Variants in TRAPPC9 observed in about 807,000 individuals in gnomAD.
The protein encoded by TRAPPC9 is trafficking protein particle complex subunit 9, also known as IKK2 binding protein.
In TRAPPC9, 83 loss-of-function variants were observed where a neutral mutation model predicts 124.0. The observed-to-expected ratio is 0.67, with a 90% CI of 0.56 to 0.80. TRAPPC9 has a LOEUF of 0.80. Ranked by LOEUF, TRAPPC9 falls within the 30% of genes least tolerant of loss-of-function variation. TRAPPC9 has a pLI of 0.00. For synonymous variants in TRAPPC9, 638 were observed against 617.5 expected, an observed-to-expected ratio of 1.03 and a Z score of -0.49; for missense variants, 1,302 against 1,508.3, an observed-to-expected ratio of 0.86 and a Z score of 2.27.
rs1231107178 is a variant in TRAPPC9, at chr8:140,412,033, T to C, written c.887-6335A>G. The stretch of plus-strand genomic sequence containing the variant: ...AAAGTGTGATGACAAACAAGATGTA[T>C]ACAGTCTCAAACTATTTCCCACAAA... On this transcript the variant is annotated intron_variant, in intron 5 of 22. Coordinates refer to ENST00000438773, the MANE Select transcript of TRAPPC9 (RefSeq NM_001160372.4). Among the ~76,000 whole-genome samples, 3 of 152,226 alleles carry C rather than the reference T, an allele frequency of 2.0e-5. No individual in the cohort carries two copies. In the East Asian group the frequency reaches 5.8e-4, roughly 29 times the overall value.
intron 5 of TRAPPC9, among the ~76,000 whole-genome samples, chr8:140,410,141 CAAAAAAAAAAAA>C (rs61149910): frequency 1.4e-3 from 96 of 70,214 alleles, no homozygotes; most frequent in Non-Finnish European, 1.6e-3. Flanking sequence ...ACCTTGTCTC[CAAAAAAAAAAAA>C]AAAAAAAAAA....
chr8:140,350,661 G>A (rs1041205621), intron 9 of TRAPPC9, among the ~76,000 whole-genome samples: 1 of 152,140 alleles, frequency 6.6e-6, no homozygotes, highest in Non-Finnish European at 1.5e-5. Context: ...CTGGAGGTGA[G>A]CCCTCATGCA....
chr8:140,056,236 C>T (rs138555999), intron 17 of TRAPPC9, among the ~76,000 whole-genome samples: 13 of 150,326 alleles, frequency 8.6e-5, no homozygotes, highest in Admixed American at 6.6e-4. Context: ...CAGAGAGGCC[C>T]CATCTCTACA....
chr8:140,096,707 C>T (rs1216532105), intron 17 of TRAPPC9: 1 of 152,108 alleles, frequency 6.6e-6, no homozygotes, highest in Non-Finnish European at 1.5e-5. Context: ...GCGTTGAGTG[C>T]AGGATGACTG....
chr8:140,245,085 C>G (rs1327272311), intron 16 of TRAPPC9, among the ~76,000 whole-genome samples: 1 of 151,998 alleles, frequency 6.6e-6, no homozygotes, highest in African/African-American at 2.4e-5. Context: ...ATTACAGGCA[C>G]GAGCCACCGC....
Position 140,193,230 on chromosome 8 carries a change from A to G in TRAPPC9, c.2556+28229T>C, listed in dbSNP as rs559019000. On this transcript the variant is annotated intron_variant, in intron 17 of 22. Coordinates refer to ENST00000438773, the MANE Select transcript of TRAPPC9 (RefSeq NM_001160372.4). Reference sequence around the variant, plus strand: ...CTGGCTCATCAATCTAAAATGTGAAAATGTGTTCTGAAGTGCTTTTCTACT... The same window carrying G: ...CTGGCTCATCAATCTAAAATGTGAAGATGTGTTCTGAAGTGCTTTTCTACT... Among the ~76,000 whole-genome samples, 27 of 152,364 alleles carry G rather than the reference A, an allele frequency of 1.8e-4. No homozygotes were observed. In the South Asian group the frequency reaches 5.6e-3, roughly 32 times the overall value.
intron 21 of TRAPPC9, among the ~76,000 whole-genome samples, chr8:139,884,417 C>T (rs540606503): frequency 3.9e-5 from 6 of 152,316 alleles, no homozygotes; most frequent in African/African-American, 1.2e-4. Flanking sequence ...ACCTGCTGCC[C>T]ACTTCCCCAC....
intron 19 of TRAPPC9, among the ~76,000 whole-genome samples, chr8:139,921,231 A>G (rs947466050): frequency 1.3e-5 from 2 of 152,252 alleles, no homozygotes; most frequent in Admixed American, 6.5e-5. Context: ...GCAGGCAGTC[A>G]TCACATCACG....
intron 21 of TRAPPC9, among the ~76,000 whole-genome samples, chr8:139,802,589 CATAGTGATCGCAA>C (rs1823615257): frequency 6.6e-6 from 1 of 152,200 alleles, no homozygotes; most frequent in African/African-American, 2.4e-5. Context: ...GATGAAATAT[CATAGTGATCGCAA>C]GCTTTCAAAT....
At chr8:139,803,504 C>T (rs144673047) in intron 21 of TRAPPC9, among the ~76,000 whole-genome samples, 278 of 152,362 alleles carry the variant, frequency 1.8e-3, no homozygotes, top group African/African-American at 6.2e-3. Flanking sequence ...AGGCCCAGCA[C>T]CGCTCTCTGT....
chr8:140,394,671 G>T (rs1041355105), intron 7 of TRAPPC9, among the ~76,000 whole-genome samples: 3 of 152,098 alleles, frequency 2.0e-5, no homozygotes, highest in African/African-American at 4.8e-5. Flanking sequence ...CTCAGCCTGC[G>T]TTGGGGCCTC....
At chr8:139,817,823 C>T (rs1451208392) in intron 21 of TRAPPC9, among the ~76,000 whole-genome samples, 1 of 152,214 alleles carries the variant, frequency 6.6e-6, no homozygotes, top group East Asian at 1.9e-4. Flanking sequence ...GGAATACCTC[C>T]AGGCTATGGG....
intron 16 of TRAPPC9, among the ~76,000 whole-genome samples, chr8:140,222,370 T>C (rs775692503): frequency 6.6e-6 from 1 of 152,222 alleles, no homozygotes; most frequent in Non-Finnish European, 1.5e-5. Context: ...AAGTCCTCTC[T>C]GCATCTCACG....
intron 21 of TRAPPC9, among the ~76,000 whole-genome samples, chr8:139,850,013 T>C (rs928929152): frequency 2.0e-5 from 3 of 152,126 alleles, no homozygotes; most frequent in Non-Finnish European, 2.9e-5. Flanking sequence ...CTGCTCTGCT[T>C]CTCGGTTCCC....
chr8:140,050,632 C>T (rs750352650), intron 17 of TRAPPC9, among the ~76,000 whole-genome samples: 3 of 152,166 alleles, frequency 2.0e-5, no homozygotes, highest in Non-Finnish European at 4.4e-5. Flanking sequence ...CCTTCCTCAT[C>T]CCCAGCACCT....
chr8:140,050,663 G>A lies in TRAPPC9; in HGVS notation c.2557-26584C>T, dbSNP rs116668288. Among the ~76,000 whole-genome samples the A allele has an allele frequency of 3.2e-3, 492 of 152,274 alleles. 6 individuals carry two copies. The highest frequency in any genetic ancestry group is 0.011 in the African/African-American group (471 of 41,554). Reference sequence around the variant, plus strand: ...CACCTCCACCCGGGGCACAGGAAATGCTCATGAAATGTCTATGGAGGAAGA... The same window carrying A: ...CACCTCCACCCGGGGCACAGGAAATACTCATGAAATGTCTATGGAGGAAGA... On this transcript the variant is annotated intron_variant, in intron 17 of 22. Transcript: ENST00000438773.
chr8:139,749,517 T>C (rs779054018), intron 21 of TRAPPC9, among the ~76,000 whole-genome samples: 1 of 152,106 alleles, frequency 6.6e-6, no homozygotes, highest in Non-Finnish European at 1.5e-5. Context: ...CTTCCTACCA[T>C]GAAAAGGTGC....
At chr8:139,859,443 A>G (rs1827997184) in intron 21 of TRAPPC9, among the ~76,000 whole-genome samples, 1 of 152,180 alleles carries the variant, frequency 6.6e-6, no homozygotes, top group South Asian at 2.1e-4. Flanking sequence ...AATAAAGTTC[A>G]CGCTTCCAGA....
intron 19 of TRAPPC9, among the ~76,000 whole-genome samples, chr8:139,952,727 C>T (rs992237688): frequency 1.3e-5 from 2 of 152,244 alleles, no homozygotes; most frequent in Non-Finnish European, 2.9e-5. Flanking sequence ...GCAGCTGTGG[C>T]AGTCGACTCA....
Sources: gnomAD v4.1 joint callset for allele counts (sites outside exome capture counted in the v4.1 genomes callset) on GRCh38, gnomAD v4.1.1 for gene constraint, MANE v1.5 for transcripts, NCBI Gene and HGNC (gene_info 2026-07-23, HGNC 2026-07-21) for gene names.